Variants in CRPPA observed in about 807,000 individuals in gnomAD.
The protein encoded by CRPPA is D-ribitol-5-phosphate cytidylyltransferase.
In CRPPA, 43 loss-of-function variants were observed where a neutral mutation model predicts 52.0. The observed-to-expected ratio is 0.83, with a 90% CI of 0.65 to 1.07. The LOEUF (loss-of-function observed/expected upper bound fraction) is 1.07. Ranked by LOEUF, CRPPA falls within the 50% of genes least tolerant of loss-of-function variation. The probability of loss-of-function intolerance (pLI) is 0.00; values close to 1 mark genes in which losing one functional copy is unlikely to be tolerated. For synonymous variants in CRPPA, 250 were observed against 203.5 expected, an observed-to-expected ratio of 1.23 and a Z score of -1.94; for missense variants, 629 against 551.7, an observed-to-expected ratio of 1.14 and a Z score of -1.40.
At position 16,253,243 on chromosome 7, in the gene CRPPA, G is replaced by C. The variant is rs191218088; in HGVS notation, c.1119+5147C>G. Among the ~76,000 whole-genome samples the C allele has an allele frequency of 8.3e-4, 126 of 152,262 alleles. 2 individuals carry two copies. Among genetic ancestry groups the C allele is most frequent in the African/African-American group, 2.9e-3 (122 of 41,550 alleles). On this transcript the variant is annotated intron_variant, in intron 8 of 9. Transcript: ENST00000407010. ...TCCTGCTTTCTCTTGTGGGCATTTAGTGCTATAAATTTCCCTCTACACACT... is the reference window on the plus strand; with the variant it reads ...TCCTGCTTTCTCTTGTGGGCATTTACTGCTATAAATTTCCCTCTACACACT...
At chr7:16,239,867 G>A (rs961086647) in intron 8 of CRPPA, among the ~76,000 whole-genome samples, 8 of 152,046 alleles carry the variant, frequency 5.3e-5, no homozygotes, top group Non-Finnish European at 1.0e-4. Flanking sequence ...GCTTAATCAA[G>A]AAAAATTTAC....
intron 3 of CRPPA, among the ~76,000 whole-genome samples, chr7:16,367,125 G>T (rs1263660612): frequency 1.3e-5 from 2 of 151,772 alleles, no homozygotes; most frequent in East Asian, 3.9e-4. Context: ...CCCTCCTGAG[G>T]ATCTTTTCAT....
At chr7:16,164,460 C>A (rs1781003398) in intron 9 of CRPPA, among the ~76,000 whole-genome samples, 1 of 152,118 alleles carries the variant, frequency 6.6e-6, no homozygotes, top group South Asian at 2.1e-4. Context: ...AGAACCTGCT[C>A]CTTTAGCTCA....
At chr7:16,378,091 C>CT (rs544795408) in intron 2 of CRPPA, among the ~76,000 whole-genome samples, 2,809 of 151,200 alleles carry the variant, frequency 0.019, 81 homozygotes, top group African/African-American at 0.065. Context: ...GTGATTTTTC[C>CT]TTTTTTTTTA....
At chr7:16,404,077 T>C (rs59379368) in intron 2 of CRPPA, among the ~76,000 whole-genome samples, 24,128 of 152,122 alleles carry the variant, frequency 0.16, 2,173 homozygotes, top group Admixed American at 0.2. Context: ...TGTCTGGTTC[T>C]CTCATTAATA....
intron 9 of CRPPA, among the ~76,000 whole-genome samples, chr7:16,213,960 T>G (rs976545457): frequency 1.3e-5 from 2 of 152,158 alleles, no homozygotes; most frequent in Non-Finnish European, 2.9e-5. Flanking sequence ...AGCAAAAATT[T>G]TAAAACATTC....
At chr7:16,362,057 T>A (rs575128047) in intron 3 of CRPPA, among the ~76,000 whole-genome samples, 1 of 152,176 alleles carries the variant, frequency 6.6e-6, no homozygotes, top group South Asian at 2.1e-4. Context: ...GGTTTCACCA[T>A]GTTAGCCAGG....
At chr7:16,383,802 G>A (rs1269245671) in intron 2 of CRPPA, among the ~76,000 whole-genome samples, 1 of 152,258 alleles carries the variant, frequency 6.6e-6, no homozygotes, top group East Asian at 1.9e-4. Context: ...TCCAAGCCAT[G>A]TGCGGGATAT....
chr7:16,316,823 T>A (rs940127502), intron 3 of CRPPA, among the ~76,000 whole-genome samples: 2 of 152,098 alleles, frequency 1.3e-5, no homozygotes, highest in African/African-American at 4.8e-5. Context: ...CACCTCTGCA[T>A]TCCAACCTGG....
At chr7:16,244,931 C>T (rs559760649) in intron 8 of CRPPA, among the ~76,000 whole-genome samples, 1 of 152,004 alleles carries the variant, frequency 6.6e-6, no homozygotes, top group Non-Finnish European at 1.5e-5. Context: ...ACTTTGATAT[C>T]ATTTTGTAAT....
chr7:16,127,815 AC>A (rs1562517654), intron 9 of CRPPA, among the ~76,000 whole-genome samples: 10 of 152,180 alleles, frequency 6.6e-5, no homozygotes, highest in Non-Finnish European at 1.5e-4. Flanking sequence ...ACAAAAAGCT[AC>A]TCTAATGGTA....
intron 9 of CRPPA, among the ~76,000 whole-genome samples, chr7:16,186,945 T>C (rs1158680896): frequency 6.6e-6 from 1 of 152,216 alleles, no homozygotes; most frequent in Non-Finnish European, 1.5e-5. Flanking sequence ...AGATCTAAGA[T>C]TAACATTCAC....
intron 9 of CRPPA, among the ~76,000 whole-genome samples, chr7:16,093,542 G>A (rs1781879664): frequency 6.6e-6 from 1 of 152,124 alleles, no homozygotes; most frequent in Non-Finnish European, 1.5e-5. Context: ...AGCTGGAGAA[G>A]ATCTGCAAGA....
chr7:16,287,748 C>T (rs529197813), intron 5 of CRPPA, among the ~76,000 whole-genome samples: 1 of 152,000 alleles, frequency 6.6e-6, no homozygotes, highest in African/African-American at 2.4e-5. Flanking sequence ...ATGGCAAAAC[C>T]CTGTCTCTAC....
At chr7:16,209,357 C>G (rs1188868600) in intron 9 of CRPPA, 2 of 164,230 alleles carry the variant, frequency 1.2e-5, no homozygotes, top group African/African-American at 4.9e-5. Context: ...GCAGCCTCTA[C>G]TTCCCAGGGA....
At chr7:16,358,549 T>C (rs1298577432) in intron 3 of CRPPA, among the ~76,000 whole-genome samples, 1 of 152,168 alleles carries the variant, frequency 6.6e-6, no homozygotes, top group African/African-American at 2.4e-5. Context: ...TATCACAGTT[T>C]ATAATTTGTA....
chr7:16,180,770 A>G (rs1382573459), intron 9 of CRPPA, among the ~76,000 whole-genome samples: 1 of 152,070 alleles, frequency 6.6e-6, no homozygotes, highest in East Asian at 1.9e-4. Context: ...TATAAAATAT[A>G]AATATAGCTT....
intron 6 of CRPPA, among the ~76,000 whole-genome samples, chr7:16,265,567 T>C (rs1455977649): frequency 6.6e-6 from 1 of 152,192 alleles, no homozygotes; most frequent in Non-Finnish European, 1.5e-5. Context: ...GTCAAGTCAT[T>C]CATCTTTGAA....
intron 8 of CRPPA, among the ~76,000 whole-genome samples, chr7:16,236,950 G>GCACACACA (rs67679435): frequency 1.3e-3 from 195 of 149,684 alleles, no homozygotes; most frequent in South Asian, 5.3e-3. Flanking sequence ...TCGTGCGCGC[G>GCACACACA]CACACACACA....
Sources: gnomAD v4.1 joint callset for allele counts (sites outside exome capture counted in the v4.1 genomes callset) on GRCh38, gnomAD v4.1.1 for gene constraint, MANE v1.5 for transcripts, NCBI Gene and HGNC (gene_info 2026-07-23, HGNC 2026-07-21) for gene names.